Variants in EIF2AK2 observed in about 807,000 individuals in gnomAD.
EIF2AK2 encodes the protein eukaryotic translation initiation factor 2 alpha kinase 2.
In EIF2AK2, 40 loss-of-function variants were observed where a neutral mutation model predicts 70.5. The observed-to-expected ratio is 0.57, with a 90% CI of 0.44 to 0.74. EIF2AK2 has a LOEUF of 0.74. EIF2AK2 is among the 30% of genes least tolerant of loss of function. The probability of loss-of-function intolerance (pLI) is 0.00; values close to 1 mark genes in which losing one functional copy is unlikely to be tolerated. For synonymous variants in EIF2AK2, 198 were observed against 220.9 expected (o/e 0.90, Z 0.92); for missense variants, 555 against 644.3 (o/e 0.86, Z 1.50).
At chr2:37,124,083 T>C (rs555879439) in intron 11 of EIF2AK2, among the ~76,000 whole-genome samples, 3 of 151,694 alleles carry the variant, frequency 2.0e-5, no homozygotes, top group African/African-American at 7.3e-5. Context: ...TCCTCCTACC[T>C]CAGCCTCCCT....
rs114871943 is a variant in EIF2AK2, at chr2:37,124,071, G to A, written c.909-1407C>T. On this transcript the variant is annotated intron_variant, in intron 11 of 16. Coordinates refer to ENST00000233057, the MANE Select transcript of EIF2AK2 (RefSeq NM_001135651.3). Reference sequence around the variant, plus strand: ...CAACCTCCACCCCTAGGGCTCAAGCGATCCTCCTACCTCAGCCTCCCTAGT... The same window carrying A: ...CAACCTCCACCCCTAGGGCTCAAGCAATCCTCCTACCTCAGCCTCCCTAGT... Among the ~76,000 whole-genome samples, 1,499 of 151,596 alleles carry A rather than the reference G, an allele frequency of 9.9e-3. 18 individuals are homozygous for A. Among genetic ancestry groups the A allele is most frequent in the African/African-American group, 0.032 (1,335 of 41,256 alleles).
Position 37,107,205 on chromosome 2 carries a change from C to G in EIF2AK2, c.*68G>C. 6.4e-7 allele frequency: 1 copy of G among 1,556,068 alleles called. No individual in the cohort carries two copies. On this transcript the variant is annotated 3_prime_UTR_variant, in exon 17 of 17. Transcript: ENST00000233057. ...TAAAAGGTAAATATCTATTGATATTCCCTAGCAGATTTTAGATAATTTAAG... is the reference window on the plus strand; with the variant it reads ...TAAAAGGTAAATATCTATTGATATTGCCTAGCAGATTTTAGATAATTTAAG...
At chr2:37,123,434 T>C (rs1208064389) in intron 11 of EIF2AK2, among the ~76,000 whole-genome samples, 2 of 151,918 alleles carry the variant, frequency 1.3e-5, no homozygotes, top group East Asian at 2.0e-4. Flanking sequence ...ACCCATCTAA[T>C]TTTTTCTATT....
Position 37,102,092 on chromosome 2 carries a change from T to G in EIF2AK2, c.*5181A>C, listed in dbSNP as rs894561971. On this transcript the variant is annotated 3_prime_UTR_variant, in exon 17 of 17. Coordinates refer to ENST00000233057, the MANE Select transcript of EIF2AK2 (RefSeq NM_001135651.3). ...ATATTTCTACAAAAAATTTAAAAAT[T>G]AGTTGGGTGTGTTGGTGTATGCATG... 2.6e-4 allele frequency: 39 copies of G among 152,002 alleles called. No homozygotes were observed. The highest frequency in any genetic ancestry group is 9.4e-4 in the African/African-American group (39 of 41,342). 9.4% of individuals were successfully genotyped at this position (152,002 alleles called of 1,614,324 possible).
intron 11 of EIF2AK2, among the ~76,000 whole-genome samples, chr2:37,124,700 T>C (rs1313460616): frequency 1.3e-5 from 2 of 152,178 alleles, no homozygotes; most frequent in Non-Finnish European, 2.9e-5. Context: ...TTATATCTTC[T>C]TGGATATAAA....
At chr2:37,149,320 T>C in intron 1 of EIF2AK2, 1 of 899,658 alleles carries the variant, frequency 1.1e-6, no homozygotes, top group South Asian at 1.4e-5. Context: ...GGTATCAAAC[T>C]ATGGGGCCTT....
At chr2:37,155,950 A>AGAAAAG (rs1553340889) in intron 1 of EIF2AK2, among the ~76,000 whole-genome samples, 6 of 138,978 alleles carry the variant, frequency 4.3e-5, no homozygotes, top group Non-Finnish European at 6.1e-5. Flanking sequence ...AAAAAAAAAA[A>AGAAAAG]AAAAGAAAAG....
Position 37,141,681 on chromosome 2 carries a change from C to T in EIF2AK2, c.261G>A (p.Leu87=), listed in dbSNP as rs779983437. 5 of 1,612,392 alleles carry T rather than the reference C, an allele frequency of 3.1e-6. No homozygotes were observed. Among genetic ancestry groups the T allele is most frequent in the Non-Finnish European group, 4.2e-6 (5 of 1,179,498 alleles). The change falls in exon 5 of 17, where the codon TTG becomes TTA. Residue 87 remains leucine (L), a synonymous_variant. Transcript: ENST00000233057. ...ATCCTTCTGAAGAATTCGTTGTTGT[C>T]AATAATAAAGGACTAACTGCCTACA... The part of the protein sequence containing the change: ...KEKKAVSPLL[L]TTTNSSEGLS...
chr2:37,102,115 A>C lies in EIF2AK2; in HGVS notation c.*5158T>G, dbSNP rs954441208. 2 of 152,004 alleles carry C rather than the reference A, an allele frequency of 1.3e-5. No individual in the cohort carries two copies. The highest frequency in any genetic ancestry group is 4.8e-5 in the African/African-American group (2 of 41,378). The allele number at this position is 152,004 out of a possible 1,614,324, so 9.4% of individuals were successfully genotyped here. ...ATTAGTTGGGTGTGTTGGTGTATGC[A>C]TGTAGTCCCAGCTATTCAAGCGGCT... On this transcript the variant is annotated 3_prime_UTR_variant, in exon 17 of 17. Coordinates refer to ENST00000233057, the MANE Select transcript of EIF2AK2 (RefSeq NM_001135651.3).
chr2:37,139,819 A>G, intron 5 of EIF2AK2, 62 bp from the exon 6 acceptor site: 1 of 1,514,692 alleles, frequency 6.6e-7, no homozygotes, highest in Non-Finnish European at 8.9e-7. Context: ...CCAACTTAGG[A>G]TTCAAAAAAA....
intron 2 of EIF2AK2, chr2:37,148,647 T>C (rs1263586561): frequency 2.4e-6 from 2 of 831,528 alleles, no homozygotes; most frequent in Non-Finnish European, 4.2e-6. Flanking sequence ...GACATGCTTT[T>C]ACTTCAACTT....
rs191011347 is a variant in EIF2AK2, at chr2:37,107,287, G to A, written c.1642C>T (p.Arg548Ter). 3.7e-6 allele frequency: 6 copies of A among 1,613,164 alleles called. No individual in the cohort carries two copies. Among genetic ancestry groups the A allele is most frequent in the African/African-American group, 1.3e-5 (1 of 75,008 alleles). ...VWKKSPEKNE[R>*]HTC The stretch of plus-strand genomic sequence containing the variant: ...TCAGAAGGGCTCTAACATGTGTGTC[G>A]TTCATTTTTCTCTGGGCTTTTCTTC... The change falls in exon 17 of 17, where the codon CGA becomes TGA. Residue 548 changes from arginine to a stop codon, truncating the protein, a stop_gained. Coordinates refer to ENST00000233057, the MANE Select transcript of EIF2AK2 (RefSeq NM_001135651.3). LOFTEE classifies it high-confidence loss of function.
chr2:37,119,257 T>A (rs1674449853), intron 13 of EIF2AK2, among the ~76,000 whole-genome samples: 1 of 152,196 alleles, frequency 6.6e-6, no homozygotes, highest in Admixed American at 6.5e-5. Context: ...CAGTCCGGGA[T>A]TACCGCAATT....
chr2:37,111,890 T>C (rs867191166), intron 14 of EIF2AK2, among the ~76,000 whole-genome samples: 1 of 112,058 alleles, frequency 8.9e-6, no homozygotes, highest in African/African-American at 3.5e-5. Context: ...TATATATATA[T>C]ATATATATAT....
At chr2:37,152,057 A>G (rs1426932423) in intron 1 of EIF2AK2, among the ~76,000 whole-genome samples, 2 of 152,226 alleles carry the variant, frequency 1.3e-5, no homozygotes, top group Admixed American at 6.5e-5. Flanking sequence ...CAGAGCGAAG[A>G]CTCCATCTCA....
At chr2:37,126,957 CAAAAAAACAGAAA>C (rs1674752085) in intron 10 of EIF2AK2, among the ~76,000 whole-genome samples, 1 of 35,518 alleles carries the variant, frequency 2.8e-5, no homozygotes, top group East Asian at 6.7e-4. Context: ...AACTCCATCT[CAAAAAAACAGAAA>C]AAAAAAAAAA....
intron 15 of EIF2AK2, among the ~76,000 whole-genome samples, chr2:37,108,101 G>A (rs1359899134): frequency 6.0e-5 from 9 of 149,932 alleles, no homozygotes; most frequent in East Asian, 3.9e-4. Flanking sequence ...AGCCAAGATC[G>A]CGCCATTGCA....
chr2:37,105,492 T>G lies in EIF2AK2; in HGVS notation c.*1781A>C, dbSNP rs1047677624. 5 of 152,298 alleles carry G rather than the reference T, an allele frequency of 3.3e-5. No individual in the cohort carries two copies. Among genetic ancestry groups the G allele is most frequent in the Admixed American group, 2.0e-4 (3 of 15,270 alleles). The allele number at this position is 152,298 out of a possible 1,614,324, so 9.4% of individuals were successfully genotyped here. A position where few individuals can be genotyped will look rare whatever the true frequency, so the allele number is the denominator to read the frequency against. On this transcript the variant is annotated 3_prime_UTR_variant, in exon 17 of 17. Coordinates refer to ENST00000233057, the MANE Select transcript of EIF2AK2 (RefSeq NM_001135651.3). ...ATGATCTCTGCACATCCGGCTCCCC[T>G]TCACCTTCCACCATGAGTGGAAGCA...
intron 10 of EIF2AK2, among the ~76,000 whole-genome samples, chr2:37,134,479 G>A (rs969944063): frequency 1.3e-5 from 2 of 152,208 alleles, no homozygotes; most frequent in African/African-American, 4.8e-5. Context: ...TCTGCAACCT[G>A]TTCGTTTTGC....
Sources: gnomAD v4.1 joint callset for allele counts (sites outside exome capture counted in the v4.1 genomes callset) on GRCh38, gnomAD v4.1.1 for gene constraint, MANE v1.5 for transcripts, NCBI Gene and HGNC (gene_info 2026-07-23, HGNC 2026-07-21) for gene names.